PLB1: variants seen among roughly 807,000 people sequenced by gnomAD.
PLB1 encodes phospholipase B1, also known as phospholipase B1, membrane-associated.
In PLB1, 242 loss-of-function variants were observed where a neutral mutation model predicts 227.4. The ratio of observed to expected loss-of-function variants is 1.06; its 90% CI spans 0.96 to 1.18. The LOEUF is 1.18. Among genes scored for constraint, PLB1 ranks in the 50% most tolerant of loss-of-function variants. The pLI is 0.00. For missense variants in PLB1, 1,858 were observed against 1,816.3 expected (o/e 1.02, Z -0.42); for synonymous variants, 757 against 682.2 (o/e 1.11, Z -1.71).
rs1394068046 is a variant in PLB1 at position 28,525,256 on chromosome 2, A to G, written c.244-11A>G. On this transcript the variant is annotated splice_polypyrimidine_tract_variant and intron_variant, in intron 4 of 57. Transcript: ENST00000327757. ...CCCTGGCTGGGTGTTAACATTGAGTATCTATTCCAGCCTCCAGACCCAGGG... is the reference window on the plus strand; with the variant it reads ...CCCTGGCTGGGTGTTAACATTGAGTGTCTATTCCAGCCTCCAGACCCAGGG... 6.2e-7 allele frequency: 1 copy of G among 1,612,920 alleles called. No individual in the cohort carries two copies. The highest frequency in any genetic ancestry group is 8.5e-7 in the Non-Finnish European group (1 of 1,179,724).
intron 11 of PLB1, among the ~76,000 whole-genome samples, chr2:28,539,622 A>C (rs747046318): frequency 2.6e-5 from 4 of 152,168 alleles, no homozygotes; most frequent in African/African-American, 9.7e-5. Context: ...GCCAAATCCT[A>C]AGAATTCTGG....
At position 28,565,285 on chromosome 2, in the gene PLB1, C is replaced by T; in HGVS notation, c.1212C>T (p.Gly404=). ...CCCTCATTGTTCCCTCTCAGGCAGGCAATGGGGCCGGGTCCACACCTGGGA... is the reference window on the plus strand; with the variant it reads ...CCCTCATTGTTCCCTCTCAGGCAGGTAATGGGGCCGGGTCCACACCTGGGA... ...IGALGDSLTA[G]NGAGSTPGNV... Residue 404 remains glycine, a synonymous_variant, in exon 19 of 58, where the codon GGC becomes GGT. Coordinates refer to ENST00000327757, the MANE Select transcript of PLB1 (RefSeq NM_153021.5). 6.2e-7 allele frequency: 1 copy of T among 1,611,438 alleles called. No individual in the cohort carries two copies. The highest frequency in any genetic ancestry group is 8.5e-7 in the Non-Finnish European group (1 of 1,178,988).
chr2:28,571,887 T>C (rs952639922), intron 20 of PLB1, among the ~76,000 whole-genome samples: 7 of 152,100 alleles, frequency 4.6e-5, no homozygotes, highest in Admixed American at 4.6e-4. Flanking sequence ...AACAAAGTCT[T>C]CTTAGATATG....
Position 28,598,725 on chromosome 2 carries a change from A to G in PLB1, c.2439A>G (p.Ala813=), listed in dbSNP as rs770078925. The change falls in exon 35 of 58, where the codon GCA becomes GCG. Residue 813 remains alanine, a synonymous_variant. Transcript: ENST00000327757. ...CGGGTGATGCCAATGACACGAATGC[A>G]TTCCTCAATCAAGCTGTTCCCGGAG... is the stretch of plus-strand genomic sequence containing the variant. The part of the protein sequence containing the change: ...VGTGDANDTN[A]FLNQAVPGAK... 1.2e-6 allele frequency: 2 copies of G among 1,614,254 alleles called. No homozygotes were observed. The highest frequency in any genetic ancestry group is 1.3e-5 in the African/African-American group (1 of 75,078).
chr2:28,515,586 A>G (rs1355098166), intron 1 of PLB1, among the ~76,000 whole-genome samples: 2 of 152,200 alleles, frequency 1.3e-5, no homozygotes, highest in Non-Finnish European at 2.9e-5. Context: ...TGGGCATAAA[A>G]TGGACATATA....
intron 13 of PLB1, among the ~76,000 whole-genome samples, 178 bp downstream of exon 13, chr2:28,541,989 C>T (rs567096612): frequency 2.9e-4 from 44 of 152,192 alleles, no homozygotes; most frequent in Admixed American, 1.3e-3. Flanking sequence ...AAAAATTAGC[C>T]AGGCATGATG....
At position 28,640,967 on chromosome 2, in the gene PLB1, C is replaced by T. The variant is rs1689908278; in HGVS notation, c.4139C>T (p.Thr1380Ile). Residue 1380 changes from threonine to isoleucine, a missense_variant, in exon 57 of 58, where the codon ACC (threonine) becomes ATC (isoleucine). By Grantham distance (89) the Thr-to-Ile change is moderately conservative (BLOSUM62 -1). Transcript: ENST00000327757. The stretch of plus-strand genomic sequence containing the variant: ...CGCAAGACTACCTCCAACAACTTCA[C>T]CCACAGCCGAGCCAAACTCAAGTGC... ...VGRKTTSNNF[T>I]HSRAKLKCPS... is the part of the protein sequence containing the mutation. 6.2e-7 allele frequency: 1 copy of T among 1,613,934 alleles called. No individual in the cohort carries two copies. Among genetic ancestry groups the T allele is most frequent in the Non-Finnish European group, 8.5e-7 (1 of 1,179,902 alleles).
chr2:28,540,219 T>C, intron 11 of PLB1, 147 bp from the exon 12 acceptor site: 1 of 604,218 alleles, frequency 1.7e-6, no homozygotes, highest in South Asian at 1.8e-5. Context: ...CTTCTCAACA[T>C]TTATGTCCTC....
At chr2:28,539,232 C>A in intron 11 of PLB1, 54 bp downstream of exon 11, 2 of 1,491,238 alleles carry the variant, frequency 1.3e-6, no homozygotes, top group South Asian at 1.1e-5. Flanking sequence ...GTCACGTGTG[C>A]GGCCTGTGGG....
intron 17 of PLB1, among the ~76,000 whole-genome samples, chr2:28,560,027 T>A (rs574621785): frequency 6.6e-6 from 1 of 152,018 alleles, no homozygotes; most frequent in Non-Finnish European, 1.5e-5. Flanking sequence ...GCTGGGATTG[T>A]AATCTGGTCA....
rs542534879 is a variant in PLB1 at position 28,582,680 on chromosome 2, G to T, written c.1733+175G>T. 2.6e-5 allele frequency among the ~76,000 whole-genome samples: 4 copies of T among 152,264 alleles called. No homozygotes were observed. In the East Asian group the frequency reaches 7.7e-4, roughly 29 times the overall value. ...GATATCCTAGGATTTTTCCACCCTG[G>T]TGTAGGCCTCAGCCCACCTCAGGGT... On this transcript the variant is annotated intron_variant, in intron 25 of 57. Transcript: ENST00000327757.
In PLB1 at chr2:28,538,371, T is replaced by C. The variant is rs1447505668; in HGVS notation, c.608T>C (p.Leu203Pro). Residue 203 changes from leucine (L) to proline (P), a missense_variant, in exon 10 of 58, where the codon CTG (leucine) becomes CCG (proline). By Grantham distance (98) the Leu-to-Pro change is moderately conservative. Coordinates refer to ENST00000327757, the MANE Select transcript of PLB1 (RefSeq NM_153021.5). ...VDELMGVLDY[L>P]QQEVPRAFVN... ...GAGCTGATGGGGGTGCTGGACTACC[T>C]GCAGCAGGAGGTGAGGCCACGGGCC... 1.9e-5 allele frequency: 30 copies of C among 1,611,804 alleles called. No homozygotes were observed. Among genetic ancestry groups the C allele is most frequent in the Non-Finnish European group, 2.3e-5 (27 of 1,179,790 alleles).
At chr2:28,564,621 G>T (rs1244080639) in intron 18 of PLB1, among the ~76,000 whole-genome samples, 2 of 152,202 alleles carry the variant, frequency 1.3e-5, no homozygotes, top group Non-Finnish European at 2.9e-5. Context: ...AGCACTTTGG[G>T]TGTGAACCTG....
At chr2:28,541,066 G>A (rs1047364227) in intron 12 of PLB1, among the ~76,000 whole-genome samples, 1 of 152,174 alleles carries the variant, frequency 6.6e-6, no homozygotes, top group Non-Finnish European at 1.5e-5. Context: ...ACCTACTCAG[G>A]AGGCTGAGGC....
chr2:28,569,078 G>C (rs1258640168), intron 20 of PLB1, among the ~76,000 whole-genome samples: 1 of 152,172 alleles, frequency 6.6e-6, no homozygotes, highest in Non-Finnish European at 1.5e-5. Flanking sequence ...AATGAGTCCA[G>C]TCCATCTGTG....
At position 28,598,745 on chromosome 2, in the gene PLB1, C is replaced by G; in HGVS notation, c.2459C>G (p.Pro820Arg). ...AATGCATTCCTCAATCAAGCTGTTC[C>G]CGGAGCAAAGGCTGAGTATGGCATT... ...DTNAFLNQAV[P>R]GAKAEDLMSQ... The change falls in exon 35 of 58, where the codon CCC becomes CGC. Residue 820 changes from proline to arginine, a missense_variant. Transcript: ENST00000327757. The G allele has an allele frequency of 6.2e-7, 1 of 1,613,954 alleles. No homozygotes were observed. Among genetic ancestry groups the G allele is most frequent in the Non-Finnish European group, 8.5e-7 (1 of 1,179,778 alleles).
intron 1 of PLB1, among the ~76,000 whole-genome samples, chr2:28,503,012 A>C (rs1286658055): frequency 6.6e-6 from 1 of 151,862 alleles, no homozygotes; most frequent in African/African-American, 2.4e-5. Context: ...TTTGGCATAA[A>C]ATTTGTGTAT....
chr2:28,518,510 A>G lies in PLB1; in HGVS notation c.162A>G (p.Gly54=), dbSNP rs1669122986. 1.2e-6 allele frequency: 2 copies of G among 1,612,934 alleles called. No individual in the cohort carries two copies. The highest frequency in any genetic ancestry group is 3.3e-5 in the Admixed American group (2 of 59,998). Residue 54 remains glycine, a synonymous_variant, in exon 3 of 58, where the codon GGA becomes GGG. Coordinates refer to ENST00000327757, the MANE Select transcript of PLB1 (RefSeq NM_153021.5). ...TCCCATGCAACCCAAATAAATTAGG[A>G]GTGAATATGCCTTCTAAATCAGGTA... ...SPFPCNPNKL[G]VNMPSKSVHS...
At chr2:28,571,518 A>G (rs537797814) in intron 20 of PLB1, among the ~76,000 whole-genome samples, 28 of 152,338 alleles carry the variant, frequency 1.8e-4, no homozygotes, top group South Asian at 4.1e-4. Flanking sequence ...GAACAAATTC[A>G]GAGGATTCAT....
Sources: allele counts gnomAD v4.1 joint callset (sites outside exome capture counted in the v4.1 genomes callset), GRCh38; gene constraint gnomAD v4.1.1; transcripts MANE v1.5; gene names NCBI Gene and HGNC (gene_info 2026-07-23, HGNC 2026-07-21).